The following TRPC7 variants were observed in gnomAD, a reference collection of about 807,000 sequenced individuals.
TRPC7 encodes the protein transient receptor potential cation channel subfamily C member 7, also known as short transient receptor potential channel 7.
TRPC7 carries 42 observed loss-of-function variants against 90.1 expected under a neutral mutation model. The ratio of observed to expected loss-of-function variants is 0.47; its 90% CI spans 0.36 to 0.60. The LOEUF (loss-of-function observed/expected upper bound fraction) is 0.60. TRPC7 is among the 20% of genes least tolerant of loss of function. TRPC7 has a pLI of 0.00. For synonymous variants in TRPC7, 451 were observed against 436.3 expected (o/e 1.03, Z -0.42); for missense variants, 955 against 1,112.3 (o/e 0.86, Z 2.01).
At chr5:136,230,269 C>A (rs1015965266) in intron 8 of TRPC7, among the ~76,000 whole-genome samples, 1 of 152,140 alleles carries the variant, frequency 6.6e-6, no homozygotes, top group African/African-American at 2.4e-5. Flanking sequence ...GAAGGTAAAG[C>A]AACAACATGA....
chr5:136,351,881 A>G lies in TRPC7; in HGVS notation c.780+4727T>C, dbSNP rs982588294. On this transcript the variant is annotated intron_variant, in intron 2 of 11. Transcript: ENST00000513104. ...ATACATAATTCATCAGCTATTTTTC[A>G]TAATACATGTGGTTAGCAACCCATT... Among the ~76,000 whole-genome samples, 10 of 152,350 alleles carry G rather than the reference A, an allele frequency of 6.6e-5. No homozygotes were observed. In the Middle Eastern group the frequency reaches 0.01, roughly 155 times the overall value.
intron 2 of TRPC7, among the ~76,000 whole-genome samples, chr5:136,355,116 T>A (rs939327750): frequency 1.3e-5 from 2 of 152,234 alleles, no homozygotes; most frequent in African/African-American, 4.8e-5. Flanking sequence ...CCTCTTTGTA[T>A]GTCATGTAGC....
chr5:136,263,644 AATAAT>A (rs1293852497), intron 5 of TRPC7, among the ~76,000 whole-genome samples: 2 of 152,224 alleles, frequency 1.3e-5, no homozygotes, highest in African/African-American at 2.4e-5. Flanking sequence ...TTAAGAATTG[AATAAT>A]ATAATATCTG....
At chr5:136,283,600 T>C (rs1308038016) in intron 3 of TRPC7, among the ~76,000 whole-genome samples, 1 of 152,134 alleles carries the variant, frequency 6.6e-6, no homozygotes, top group Admixed American at 6.5e-5. Flanking sequence ...AGGTGTAAAA[T>C]CCTGAATGAG....
In TRPC7 at chr5:136,290,141, T is replaced by C. The variant is rs563542192; in HGVS notation, c.964-15304A>G. 2.3e-4 allele frequency among the ~76,000 whole-genome samples: 35 copies of C among 152,276 alleles called. 2 individuals carry two copies. The South Asian group carries it at 7.3e-3, about 32-fold the overall frequency. ...GACATCCACACCAAAAACCCACCTG[T>C]ACGTCACCATCATCAAAGACCAAAG... On this transcript the variant is annotated intron_variant, in intron 3 of 11. Transcript: ENST00000513104.
rs181786549 is a variant in TRPC7, at chr5:136,238,283, C to T, written c.1845-6734G>A. Reference sequence around the variant, plus strand: ...TGCCTATTTGTTTATCTTTTTGCCTCTTTTCCCTCTGAAATGTGAGCTCCA... The same window carrying T: ...TGCCTATTTGTTTATCTTTTTGCCTTTTTTCCCTCTGAAATGTGAGCTCCA... On this transcript the variant is annotated intron_variant, in intron 7 of 11. Coordinates refer to ENST00000513104, the MANE Select transcript of TRPC7 (RefSeq NM_020389.3). Among the ~76,000 whole-genome samples, 23 of 152,350 alleles carry T rather than the reference C, an allele frequency of 1.5e-4. No homozygotes were observed. In the Middle Eastern group the frequency reaches 0.014, roughly 90 times the overall value.
intron 2 of TRPC7, among the ~76,000 whole-genome samples, chr5:136,324,503 T>C (rs1383302807): frequency 2.0e-5 from 3 of 152,190 alleles, no homozygotes; most frequent in Non-Finnish European, 2.9e-5. Context: ...TGAGATTCCT[T>C]AGTTCTCAAC....
chr5:136,304,304 C>T (rs1291028034), intron 3 of TRPC7, among the ~76,000 whole-genome samples: 1 of 152,156 alleles, frequency 6.6e-6, no homozygotes, highest in Admixed American at 6.5e-5. Flanking sequence ...GCCAAGATCC[C>T]ATCCCACAGC....
chr5:136,358,099 C>G (rs935573496), intron 1 of TRPC7, among the ~76,000 whole-genome samples: 7 of 152,194 alleles, frequency 4.6e-5, no homozygotes, highest in African/African-American at 1.7e-4. Flanking sequence ...TTCTGGTCCA[C>G]ACACAACCTA....
chr5:136,290,494 G>T (rs1757902968), intron 3 of TRPC7, among the ~76,000 whole-genome samples: 1 of 152,216 alleles, frequency 6.6e-6, no homozygotes, highest in Admixed American at 6.5e-5. Context: ...TGTGACAAAT[G>T]CGCAAGCCTC....
intron 7 of TRPC7, among the ~76,000 whole-genome samples, chr5:136,244,593 C>T (rs1168142926): frequency 6.6e-6 from 1 of 152,176 alleles, no homozygotes; most frequent in Non-Finnish European, 1.5e-5. Flanking sequence ...TGCAAGGCAC[C>T]ATGCTAGGCT....
At chr5:136,270,944 G>A (rs1757191761) in intron 4 of TRPC7, among the ~76,000 whole-genome samples, 1 of 152,140 alleles carries the variant, frequency 6.6e-6, no homozygotes, top group African/African-American at 2.4e-5. Context: ...TTCTTTAATC[G>A]AGTGTAGCTC....
chr5:136,251,328 G>A, intron 6 of TRPC7, among the ~76,000 whole-genome samples: 1 of 152,154 alleles, frequency 6.6e-6, no homozygotes, highest in Non-Finnish European at 1.5e-5. Context: ...TCAGAAACAA[G>A]ACGTTTCTTA....
chr5:136,289,142 T>G (rs556398910), intron 3 of TRPC7, among the ~76,000 whole-genome samples: 3 of 152,254 alleles, frequency 2.0e-5, no homozygotes, highest in Admixed American at 1.3e-4. Context: ...GAGGACTGAC[T>G]GAAGGTCCTT....
At chr5:136,281,708 C>T (rs981432832) in intron 3 of TRPC7, among the ~76,000 whole-genome samples, 12 of 152,256 alleles carry the variant, frequency 7.9e-5, no homozygotes, top group Middle Eastern at 3.4e-3. Context: ...TAGCCTAATT[C>T]GTTAGGTCTC....
chr5:136,233,345 G>A (rs75762212), intron 7 of TRPC7, among the ~76,000 whole-genome samples: 7 of 152,196 alleles, frequency 4.6e-5, no homozygotes, highest in African/African-American at 7.2e-5. Context: ...ATTCTGGAAG[G>A]GGGGAGAACT....
intron 2 of TRPC7, 89 bp from the exon 3 acceptor site, chr5:136,315,868 C>T: frequency 1.6e-6 from 2 of 1,283,234 alleles, no homozygotes; most frequent in Non-Finnish European, 2.2e-6. Flanking sequence ...AGCAACTGCT[C>T]ACCACATGTG....
rs1442075886 is a variant in TRPC7 at position 136,247,113 on chromosome 5, T to C, written c.1844+358A>G. Among the ~76,000 whole-genome samples, 1 of 152,244 alleles carries C rather than the reference T, an allele frequency of 6.6e-6. No homozygotes were observed. Among genetic ancestry groups the C allele is most frequent in the East Asian group, 1.9e-4 (1 of 5,202 alleles). ...GAAACAAAAGACAACATTATATTAA[T>C]GGCATTCTGTTTTTAGTAGTGGTCT... On this transcript the variant is annotated intron_variant, in intron 7 of 11. Coordinates refer to ENST00000513104, the MANE Select transcript of TRPC7 (RefSeq NM_020389.3). This position sits in a 1 kb window ranked among gnomAD's most constrained non-coding sequence, Gnocchi z 4.2.
At chr5:136,284,401 T>C (rs1757645716) in intron 3 of TRPC7, among the ~76,000 whole-genome samples, 2 of 152,238 alleles carry the variant, frequency 1.3e-5, no homozygotes, top group African/African-American at 2.4e-5. Flanking sequence ...TATCAACTTA[T>C]GGCAAATAAA....
Sources: allele counts gnomAD v4.1 joint callset (sites outside exome capture counted in the v4.1 genomes callset), GRCh38; gene constraint gnomAD v4.1.1; non-coding constraint Gnocchi (gnomAD v3.1); transcripts MANE v1.5; gene names NCBI Gene and HGNC (gene_info 2026-07-23, HGNC 2026-07-21).